The following NSUN7 variants were observed in gnomAD, a reference collection of about 807,000 sequenced individuals.
The protein encoded by NSUN7 is NOP2/Sun RNA methyltransferase family member 7.
A neutral mutation model predicts 58.5 loss-of-function variants in NSUN7; 39 were observed. That is an observed-to-expected ratio of 0.67 (90% confidence interval 0.52 to 0.87). The LOEUF is 0.87. Among genes scored for constraint, NSUN7 ranks in the 40% least tolerant of loss-of-function variants. NSUN7 has a pLI of 0.00. For missense variants in NSUN7, 765 were observed against 844.1 expected (o/e 0.91, Z 1.16); for synonymous variants, 278 against 303.7 (o/e 0.92, Z 0.88).
chr4:40,791,695 T>C (rs1244991448), intron 8 of NSUN7, among the ~76,000 whole-genome samples: 1 of 152,120 alleles, frequency 6.6e-6, no homozygotes, highest in African/African-American at 2.4e-5. Context: ...ACCCCACAAA[T>C]GTACAGAATA....
chr4:40,754,798 G>A (rs1206535377), intron 2 of NSUN7, among the ~76,000 whole-genome samples: 1 of 152,136 alleles, frequency 6.6e-6, no homozygotes, highest in African/African-American at 2.4e-5. Flanking sequence ...TTATACTAAT[G>A]TTAACTGTAT....
At chr4:40,781,525 T>A (rs1185140946) in intron 7 of NSUN7, among the ~76,000 whole-genome samples, 2 of 152,130 alleles carry the variant, frequency 1.3e-5, no homozygotes, top group Admixed American at 6.5e-5. Flanking sequence ...CAGCTCAATA[T>A]AAATTCAACC....
intron 2 of NSUN7, among the ~76,000 whole-genome samples, chr4:40,757,741 CACACACACAT>C (rs1741238962): frequency 6.7e-6 from 1 of 148,604 alleles, no homozygotes; most frequent in South Asian, 2.1e-4. Flanking sequence ...CACACACACA[CACACACACAT>C]ACATACACAA....
chr4:40,800,411 C>T (rs1743530189), intron 10 of NSUN7, among the ~76,000 whole-genome samples: 1 of 152,050 alleles, frequency 6.6e-6, no homozygotes, highest in Non-Finnish European at 1.5e-5. Context: ...ACGATCTCAG[C>T]TCACTGCAAC....
chr4:40,753,390 C>T (rs940681092), intron 2 of NSUN7, among the ~76,000 whole-genome samples: 9 of 151,928 alleles, frequency 5.9e-5, no homozygotes, highest in Admixed American at 5.3e-4. Flanking sequence ...ACTTCTCTGC[C>T]CCAGTCTCCC....
At chr4:40,807,918 T>C in intron 11 of NSUN7, among the ~76,000 whole-genome samples, 1 of 149,450 alleles carries the variant, frequency 6.7e-6, no homozygotes. Context: ...CACATGCCTA[T>C]AATCCCAGCT....
intron 10 of NSUN7, among the ~76,000 whole-genome samples, chr4:40,800,427 C>T (rs1011752357): frequency 6.6e-6 from 1 of 152,064 alleles, no homozygotes; most frequent in African/African-American, 2.4e-5. Flanking sequence ...GCAACTTCCA[C>T]CTCCTGGGTT....
intron 9 of NSUN7, among the ~76,000 whole-genome samples, chr4:40,796,607 G>C (rs1415082069): frequency 6.6e-6 from 1 of 152,132 alleles, no homozygotes; most frequent in East Asian, 1.9e-4. Flanking sequence ...TCCAGCCTAG[G>C]CAACAGAGCA....
intron 7 of NSUN7, among the ~76,000 whole-genome samples, chr4:40,778,116 T>C (rs1331059081): frequency 1.3e-5 from 2 of 152,114 alleles, no homozygotes; most frequent in Non-Finnish European, 2.9e-5. Flanking sequence ...CTGATAGGCC[T>C]GAAGAAAATA....
chr4:40,808,164 G>A lies in NSUN7; in HGVS notation c.1525-143G>A, dbSNP rs146586900. ...CATTCGCTGAGGCTTATGAGATTGG[G>A]GACTAAGGCCTAAAAACTATTTCTT... is the stretch of plus-strand genomic sequence containing the variant. On this transcript the variant is annotated intron_variant, in intron 11 of 11. Transcript: ENST00000381782. The A allele has an allele frequency of 5.3e-4, 480 of 898,958 alleles. 3 individuals are homozygous for A. The African/African-American group carries it at 7.7e-3, about 14-fold the overall frequency. The allele number at this position is 898,958 out of a possible 1,614,324, so 55.7% of individuals were successfully genotyped here.
intron 8 of NSUN7, among the ~76,000 whole-genome samples, chr4:40,792,246 CT>C (rs1386630278): frequency 2.6e-5 from 4 of 152,088 alleles, no homozygotes; most frequent in Admixed American, 2.6e-4. Flanking sequence ...AGAACTAGAG[CT>C]CAGAACTGTG....
chr4:40,780,786 CATACACATATATAT>C (rs1222046262), intron 7 of NSUN7, among the ~76,000 whole-genome samples: 1,069 of 98,086 alleles, frequency 0.011, 15 homozygotes, highest in Non-Finnish European at 0.015. Context: ...CACACACACA[CATACACATATATAT>C]ATATATATAT....
Position 40,790,605 on chromosome 4 carries a change from T to C in NSUN7, c.1040T>C (p.Ile347Thr), listed in dbSNP as rs745828552. Residue 347 changes from isoleucine to threonine, a missense_variant, in exon 8 of 12, where the codon ATT becomes ACT. Transcript: ENST00000381782. ...TLFTKIGCKN[I>T]EILHEKFINI... The stretch of plus-strand genomic sequence containing the variant: ...ATTTTCTGTGTTTTTTCCCCAGATA[T>C]TGAAATACTTCATGAGAAATTTATT... The C allele has an allele frequency of 1.1e-5, 17 of 1,538,340 alleles. No individual in the cohort carries two copies. The highest frequency in any genetic ancestry group is 2.3e-5 in the East Asian group (1 of 44,008).
intron 10 of NSUN7, among the ~76,000 whole-genome samples, chr4:40,804,062 T>C (rs1423186354): frequency 1.3e-5 from 2 of 152,220 alleles, no homozygotes; most frequent in Non-Finnish European, 2.9e-5. Flanking sequence ...CATGGGCTTA[T>C]TTCTGGACTC....
intron 7 of NSUN7, chr4:40,786,676 A>G: frequency 6.3e-7 from 1 of 1,580,868 alleles, no homozygotes; most frequent in Non-Finnish European, 8.6e-7. Flanking sequence ...GATCATTAAA[A>G]GAAGAAAAAT....
intron 7 of NSUN7, chr4:40,786,562 T>C (rs1435046033): frequency 6.2e-7 from 1 of 1,613,194 alleles, no homozygotes; most frequent in Non-Finnish European, 8.5e-7. Context: ...TGAGAAATTG[T>C]TAGCAATGGG....
chr4:40,781,511 A>G (rs887894557), intron 7 of NSUN7, among the ~76,000 whole-genome samples: 2 of 151,898 alleles, frequency 1.3e-5, no homozygotes, highest in Non-Finnish European at 2.9e-5. Flanking sequence ...CAGTGGGGCA[A>G]TCTCAGCTCA....
chr4:40,774,928 A>G lies in NSUN7; in HGVS notation c.803A>G (p.Lys268Arg). The G allele has an allele frequency of 8.5e-7, 1 of 1,169,720 alleles. No individual in the cohort carries two copies. The highest frequency in any genetic ancestry group is 1.3e-6 in the Non-Finnish European group (1 of 789,628). 72.5% of individuals were successfully genotyped at this position (1,169,720 alleles called of 1,614,324 possible). The change falls in exon 6 of 12, where the codon AAA becomes AGA. Residue 268 changes from lysine (K) to arginine (R), a missense_variant. Transcript: ENST00000381782. ...KNDLINIDLF[K>R]DYKLIFQDKS... ...GATCTTATAAATATAGATCTTTTCA[A>G]AGATTACAAACTTATATTTCAGGTA...
intron 7 of NSUN7, among the ~76,000 whole-genome samples, chr4:40,779,979 A>T (rs952481873): frequency 3.3e-5 from 5 of 152,100 alleles, no homozygotes; most frequent in Non-Finnish European, 5.9e-5. Context: ...ATATGAGTCT[A>T]AAAAAAGATT....
Sources: gnomAD v4.1 joint callset for allele counts (sites outside exome capture counted in the v4.1 genomes callset) on GRCh38, gnomAD v4.1.1 for gene constraint, MANE v1.5 for transcripts, NCBI Gene and HGNC (gene_info 2026-07-23, HGNC 2026-07-21) for gene names.